SYNPR: variants seen among roughly 807,000 people sequenced by gnomAD.
SYNPR encodes synaptoporin.
Under a neutral mutation model 32.9 loss-of-function variants are expected in SYNPR, and 23 were observed. That is an observed-to-expected ratio of 0.70 (90% CI 0.50 to 0.99). SYNPR has a LOEUF of 0.99. Ranked by LOEUF, SYNPR falls within the 50% of genes least tolerant of loss-of-function variation. The pLI is 0.00. For synonymous variants in SYNPR, 146 were observed against 135.9 expected (o/e 1.07, Z -0.52); for missense variants, 318 against 349.3 (o/e 0.91, Z 0.71).
rs547269638 is a variant in SYNPR, at chr3:63,324,010, G to T, written c.84+45268G>T. Among the ~76,000 whole-genome samples the T allele has an allele frequency of 2.6e-5, 4 of 152,204 alleles. No individual in the cohort carries two copies. In the South Asian group the frequency reaches 8.3e-4, roughly 32 times the overall value. On this transcript the variant is annotated intron_variant, in intron 2 of 5. Transcript: ENST00000478300. ...TCTTATTACAAAGTCCTAATGTTTAGCCACCTATAGTATACTGCTTCAATA... is the reference window on the plus strand; with the variant it reads ...TCTTATTACAAAGTCCTAATGTTTATCCACCTATAGTATACTGCTTCAATA...
chr3:63,313,588 G>A (rs1355647448), intron 2 of SYNPR, among the ~76,000 whole-genome samples: 20 of 144,042 alleles, frequency 1.4e-4, no homozygotes, highest in Admixed American at 2.1e-4. Flanking sequence ...GTGTATGTGC[G>A]TACATATATG....
intron 2 of SYNPR, among the ~76,000 whole-genome samples, chr3:63,370,288 A>G (rs1353593636): frequency 2.0e-5 from 3 of 152,214 alleles, no homozygotes; most frequent in Non-Finnish European, 4.4e-5. Context: ...GGGAACAATG[A>G]TATTTTAAAC....
intron 1 of SYNPR, among the ~76,000 whole-genome samples, chr3:63,249,039 T>A (rs2086311735): frequency 6.6e-6 from 1 of 152,138 alleles, no homozygotes; most frequent in Non-Finnish European, 1.5e-5. Context: ...TTAAATTCTG[T>A]GTAATTTGCC....
chr3:63,426,360 G>T (rs1049974203), intron 2 of SYNPR, among the ~76,000 whole-genome samples: 5 of 152,088 alleles, frequency 3.3e-5, no homozygotes, highest in African/African-American at 1.2e-4. Context: ...CCAGTAACCT[G>T]CATTCTTTCC....
chr3:63,389,830 A>T lies in SYNPR; in HGVS notation c.85-91002A>T, dbSNP rs560169321. The stretch of plus-strand genomic sequence containing the variant: ...ATTCTCTTTCTTTCACTGTTCTCAC[A>T]TATAAAGTGGAGCAGATGATTCTGA... On this transcript the variant is annotated intron_variant, in intron 2 of 5. Transcript: ENST00000478300. 2.0e-5 allele frequency among the ~76,000 whole-genome samples: 3 copies of T among 152,350 alleles called. No individual in the cohort carries two copies. The South Asian group carries it at 6.2e-4, about 32-fold the overall frequency.
chr3:63,204,497 C>T, the SYNPR span, among the ~76,000 whole-genome samples: 2 of 152,138 alleles, frequency 1.3e-5, no homozygotes, highest in African/African-American at 4.8e-5. Flanking sequence ...GACACTATTT[C>T]CATATAAGGT....
At chr3:63,448,981 G>C (rs1015486654) in intron 2 of SYNPR, among the ~76,000 whole-genome samples, 1 of 152,182 alleles carries the variant, frequency 6.6e-6, no homozygotes, top group Non-Finnish European at 1.5e-5. Flanking sequence ...TGCTGAAATG[G>C]AGTGGTAGGA....
In SYNPR at chr3:63,322,571, T is replaced by C. The variant is rs139124223; in HGVS notation, c.84+43829T>C. On this transcript the variant is annotated intron_variant, in intron 2 of 5. Transcript: ENST00000478300. ...TTAATTAAAAGTATTTCTGATTATATGGAGGCTTTTATGTAAAGGTCTCAG... is the reference window on the plus strand; with the variant it reads ...TTAATTAAAAGTATTTCTGATTATACGGAGGCTTTTATGTAAAGGTCTCAG... Among the ~76,000 whole-genome samples the C allele has an allele frequency of 6.1e-3, 926 of 152,224 alleles. 6 individuals carry two copies. The highest frequency in any genetic ancestry group is 0.018 in the Admixed American group (273 of 15,280).
chr3:63,600,910 G>T (rs533166112), intron 4 of SYNPR, among the ~76,000 whole-genome samples: 4 of 152,256 alleles, frequency 2.6e-5, no homozygotes, highest in Non-Finnish European at 4.4e-5. Context: ...AAATACAGAA[G>T]TTCAGGCTTA....
chr3:63,594,353 T>C (rs892676668), intron 4 of SYNPR, among the ~76,000 whole-genome samples: 2 of 152,164 alleles, frequency 1.3e-5, no homozygotes, highest in African/African-American at 2.4e-5. Context: ...CAGTCAATAA[T>C]AGTCACCTCA....
intron 3 of SYNPR, among the ~76,000 whole-genome samples, chr3:63,495,114 A>T (rs1191129997): frequency 6.6e-6 from 1 of 152,224 alleles, no homozygotes; most frequent in Non-Finnish European, 1.5e-5. Context: ...GCAGCTGGCT[A>T]GAATTTGAAA....
upstream of SYNPR, among the ~76,000 whole-genome samples, chr3:63,274,974 A>G (rs1379006847): frequency 1.3e-5 from 2 of 152,236 alleles, no homozygotes; most frequent in African/African-American, 4.8e-5. Flanking sequence ...TATCAAAGGA[A>G]GTATTCATAG....
At position 63,507,477 on chromosome 3, in the gene SYNPR, T is replaced by C. The variant is rs181284405; in HGVS notation, c.209+26521T>C. 3.2e-3 allele frequency among the ~76,000 whole-genome samples: 486 copies of C among 152,336 alleles called. 2 individuals are homozygous for C. The highest frequency in any genetic ancestry group is 4.0e-3 in the Non-Finnish European group (275 of 68,034). On this transcript the variant is annotated intron_variant, in intron 3 of 5. Coordinates refer to ENST00000478300, the MANE Select transcript of SYNPR (RefSeq NM_001130003.2). ...CCGAGAAGTAACGTGTAAGTAACAT[T>C]CTGTGAAGTGTTTATCAGAAGTGCC...
chr3:63,390,582 C>G (rs1036963339), intron 2 of SYNPR, among the ~76,000 whole-genome samples: 1 of 152,210 alleles, frequency 6.6e-6, no homozygotes, highest in Non-Finnish European at 1.5e-5. Context: ...TATGGTCAGA[C>G]AGACCTGGAT....
rs1289482764 is a variant in SYNPR, at chr3:63,339,305, G to T, written c.84+60563G>T. On this transcript the variant is annotated intron_variant, in intron 2 of 5. Coordinates refer to ENST00000478300, the MANE Select transcript of SYNPR (RefSeq NM_001130003.2). ...TGGTACTTGCATTCTGCTGGAAAGA[G>T]ACAGACAGGAAGCAAATTAACAAAT... is the stretch of plus-strand genomic sequence containing the variant. Among the ~76,000 whole-genome samples, 4 of 152,290 alleles carry T rather than the reference G, an allele frequency of 2.6e-5. No homozygotes were observed. The East Asian group carries it at 7.7e-4, about 29-fold the overall frequency.
chr3:63,609,491 T>C (rs2106904356), intron 5 of SYNPR, among the ~76,000 whole-genome samples, 175 bp downstream of exon 5: 1 of 152,328 alleles, frequency 6.6e-6, no homozygotes, highest in Non-Finnish European at 1.5e-5. Flanking sequence ...GGTTTCTTAT[T>C]GTCAGAATCC....
At chr3:63,451,259 T>C (rs1700376147) in intron 2 of SYNPR, among the ~76,000 whole-genome samples, 1 of 152,100 alleles carries the variant, frequency 6.6e-6, no homozygotes, top group Non-Finnish European at 1.5e-5. Flanking sequence ...TTGCTATCAG[T>C]TTTCATTCCA....
chr3:63,593,485 G>C (rs1235062159), intron 4 of SYNPR, among the ~76,000 whole-genome samples: 1 of 152,064 alleles, frequency 6.6e-6, no homozygotes, highest in African/African-American at 2.4e-5. Context: ...AGATGCAGGG[G>C]ATCTAAAAAT....
At chr3:63,305,623 G>A (rs923766603) in intron 2 of SYNPR, among the ~76,000 whole-genome samples, 3 of 151,816 alleles carry the variant, frequency 2.0e-5, no homozygotes, top group Admixed American at 6.6e-5. Context: ...CGGTCTCACC[G>A]CCAGAAATTC....
Sources: allele counts gnomAD v4.1 joint callset (sites outside exome capture counted in the v4.1 genomes callset), GRCh38; gene constraint gnomAD v4.1.1; transcripts MANE v1.5; gene names NCBI Gene and HGNC (gene_info 2026-07-23, HGNC 2026-07-21).